The following CAPN13 variants were observed in gnomAD, a reference collection of about 807,000 sequenced individuals.
CAPN13 encodes calpain 13.
In CAPN13, 90 loss-of-function variants were observed where a neutral mutation model predicts 98.4. The ratio of observed to expected loss-of-function variants is 0.92; its 90% CI spans 0.77 to 1.09. The LOEUF (loss-of-function observed/expected upper bound fraction) is 1.09, where lower values mean the gene tolerates loss of function less well. CAPN13 is among the 50% of genes least tolerant of loss of function. The probability of loss-of-function intolerance (pLI) is 0.00; values close to 1 mark genes in which losing one functional copy is unlikely to be tolerated. For synonymous variants in CAPN13, 330 were observed against 305.5 expected (o/e 1.08, Z -0.84); for missense variants, 887 against 841.3 (o/e 1.05, Z -0.67).
rs1673066534 is a variant in CAPN13, at chr2:30,765,502, G to T, written c.525-1196C>A. On this transcript the variant is annotated intron_variant, in intron 5 of 22. Transcript: ENST00000295055. Reference sequence around the variant, plus strand: ...GTTCTGGTAATGCAAAATCACACATGATCAGGACCTGGGTCTATCCTGCTG... The same window carrying T: ...GTTCTGGTAATGCAAAATCACACATTATCAGGACCTGGGTCTATCCTGCTG... 3.9e-5 allele frequency among the ~76,000 whole-genome samples: 6 copies of T among 152,202 alleles called. No individual in the cohort carries two copies. The South Asian group carries it at 8.3e-4, about 21-fold the overall frequency.
At chr2:30,723,892 GA>G in intron 22 of CAPN13, among the ~76,000 whole-genome samples, 1 of 152,218 alleles carries the variant, frequency 6.6e-6, no homozygotes, top group African/African-American at 2.4e-5. Flanking sequence ...TACATGGTTA[GA>G]AAATTCAAAG....
intron 2 of CAPN13, among the ~76,000 whole-genome samples, chr2:30,783,860 G>A (rs1411477639): frequency 6.6e-6 from 1 of 152,176 alleles, no homozygotes; most frequent in East Asian, 1.9e-4. Flanking sequence ...TAGCTTGGCA[G>A]TCAACTTTCT....
intron 7 of CAPN13, among the ~76,000 whole-genome samples, chr2:30,760,992 G>C (rs1307762646): frequency 1.3e-5 from 2 of 152,202 alleles, no homozygotes; most frequent in African/African-American, 4.8e-5. Context: ...AGTTCCACTG[G>C]CCATTAACAG....
intron 5 of CAPN13, among the ~76,000 whole-genome samples, chr2:30,767,032 G>C (rs1477017391): frequency 6.6e-6 from 1 of 152,226 alleles, no homozygotes; most frequent in East Asian, 1.9e-4. Flanking sequence ...TCCACAAGCA[G>C]CAAAAGACAA....
chr2:30,748,730 A>G (rs538912580), intron 11 of CAPN13, among the ~76,000 whole-genome samples: 2 of 152,272 alleles, frequency 1.3e-5, no homozygotes, highest in East Asian at 3.9e-4. Context: ...GTGTTCAGGT[A>G]CCAGGTGTGA....
intron 12 of CAPN13, chr2:30,745,273 A>C (rs1386961035): frequency 1.7e-5 from 8 of 474,282 alleles, no homozygotes; most frequent in Non-Finnish European, 3.1e-5. Flanking sequence ...TCTGTTTAGG[A>C]GGGTGGCAGT....
At chr2:30,782,240 T>A (rs571179230) in intron 2 of CAPN13, among the ~76,000 whole-genome samples, 1 of 152,212 alleles carries the variant, frequency 6.6e-6, no homozygotes, top group Non-Finnish European at 1.5e-5. Flanking sequence ...CTCTAAAGAC[T>A]TCCACATCCT....
intron 1 of CAPN13, among the ~76,000 whole-genome samples, chr2:30,801,251 G>A (rs762500255): frequency 3.9e-5 from 6 of 151,998 alleles, no homozygotes; most frequent in Non-Finnish European, 5.9e-5. Flanking sequence ...TATATAATCC[G>A]TTTATTCTTA....
intron 15 of CAPN13, chr2:30,741,596 A>G: frequency 9.0e-7 from 1 of 1,114,844 alleles, no homozygotes; most frequent in South Asian, 3.2e-5. Flanking sequence ...GAAAGGTTTC[A>G]CGGGGTACTG....
At chr2:30,761,466 G>A (rs1229916351) in intron 7 of CAPN13, among the ~76,000 whole-genome samples, 1 of 152,176 alleles carries the variant, frequency 6.6e-6, no homozygotes, top group Admixed American at 6.5e-5. Context: ...CTGCAACCCA[G>A]CAGTCACTGC....
chr2:30,794,229 T>C (rs758754232), intron 1 of CAPN13, among the ~76,000 whole-genome samples: 3 of 151,386 alleles, frequency 2.0e-5, no homozygotes, highest in Non-Finnish European at 4.4e-5. Context: ...CCCACTAAAA[T>C]GGCCAAAAGA....
chr2:30,726,314 C>T (rs1057026600), intron 22 of CAPN13, among the ~76,000 whole-genome samples: 13 of 152,132 alleles, frequency 8.5e-5, no homozygotes, highest in African/African-American at 3.1e-4. Flanking sequence ...GGGTGTTTTC[C>T]CCCAAGATCA....
At position 30,764,131 on chromosome 2, in the gene CAPN13, C is replaced by T. The variant is rs369483477; in HGVS notation, c.699+1G>A. Reference sequence around the variant, plus strand: ...TGCAAAAGGGCTCCCCAGTGACTTACCCCACTTGGAGTGGCACAGGTTATC... The same window carrying T: ...TGCAAAAGGGCTCCCCAGTGACTTATCCCACTTGGAGTGGCACAGGTTATC... On this transcript the variant is annotated splice_donor_variant, in intron 6 of 22. Transcript: ENST00000295055. LOFTEE classifies it high-confidence loss of function. 3.8e-6 allele frequency: 6 copies of T among 1,562,918 alleles called. No homozygotes were observed. The African/African-American group carries it at 5.4e-5, about 14-fold the overall frequency.
intron 3 of CAPN13, 99 bp downstream of exon 3, chr2:30,777,468 T>G: frequency 1.9e-6 from 2 of 1,044,878 alleles, no homozygotes; most frequent in Non-Finnish European, 2.9e-6. Flanking sequence ...CCAAGGGAAC[T>G]GGCCTTTCTC....
intron 22 of CAPN13, among the ~76,000 whole-genome samples, chr2:30,724,193 G>A (rs2103475737): frequency 6.6e-6 from 1 of 152,014 alleles, no homozygotes; most frequent in East Asian, 1.9e-4. Context: ...AATTATATAT[G>A]TACTGTTCAC....
chr2:30,773,241 CA>C (rs1213505164), intron 4 of CAPN13, among the ~76,000 whole-genome samples: 5 of 152,276 alleles, frequency 3.3e-5, no homozygotes, highest in African/African-American at 1.2e-4. Context: ...GACAACGAAA[CA>C]ATGTTTACAG....
intron 7 of CAPN13, among the ~76,000 whole-genome samples, chr2:30,762,875 C>T (rs1249642112): frequency 6.6e-6 from 1 of 152,200 alleles, no homozygotes; most frequent in Non-Finnish European, 1.5e-5. Flanking sequence ...GGTGGGTTCT[C>T]AGAAAGGAGG....
intron 17 of CAPN13, 173 bp downstream of exon 17, chr2:30,738,062 T>C (rs949845462): frequency 1.0e-5 from 7 of 683,636 alleles, no homozygotes; most frequent in Non-Finnish European, 1.9e-5. Flanking sequence ...CTATTATCAT[T>C]GTTGCTGTGG....
chr2:30,776,465 A>G (rs1023582893), intron 3 of CAPN13, among the ~76,000 whole-genome samples: 3 of 152,140 alleles, frequency 2.0e-5, no homozygotes, highest in African/African-American at 7.2e-5. Context: ...CACCCACCTC[A>G]GCCTCTCAAA....
Sources: gnomAD v4.1 joint callset for allele counts (sites outside exome capture counted in the v4.1 genomes callset) on GRCh38, gnomAD v4.1.1 for gene constraint, MANE v1.5 for transcripts, NCBI Gene and HGNC (gene_info 2026-07-23, HGNC 2026-07-21) for gene names.